Variants in DCC observed in about 807,000 individuals in gnomAD.
The protein encoded by DCC is DCC netrin 1 receptor, also known as netrin receptor DCC.
DCC carries 58 observed loss-of-function variants against 172.5 expected under a neutral mutation model. The observed-to-expected ratio is 0.34, with a 90% confidence interval of 0.27 to 0.42. The LOEUF (loss-of-function observed/expected upper bound fraction) is 0.42. DCC is among the 10% of genes least tolerant of loss of function. DCC has a pLI of 1.00. For missense variants in DCC, 1,740 were observed against 1,791.0 expected (o/e 0.97, Z 0.51); for synonymous variants, 709 against 644.5 (o/e 1.10, Z -1.52).
chr18:52,793,909 TTC>T (rs2037822441), intron 2 of DCC, among the ~76,000 whole-genome samples: 2 of 152,322 alleles, frequency 1.3e-5, no homozygotes, highest in South Asian at 4.1e-4. Context: ...CTCCAAGGTA[TTC>T]TCTTTGTGCC....
intron 7 of DCC, among the ~76,000 whole-genome samples, chr18:53,080,259 G>T (rs1249164760): frequency 1.3e-5 from 2 of 152,044 alleles, no homozygotes; most frequent in African/African-American, 4.8e-5. Context: ...TGACTTAACT[G>T]AATGGATGGT....
chr18:52,421,124 TG>T (rs1987233201), intron 1 of DCC, among the ~76,000 whole-genome samples: 1 of 152,186 alleles, frequency 6.6e-6, no homozygotes, highest in African/African-American at 2.4e-5. Flanking sequence ...GAAAAGTTAT[TG>T]AACTGTACAG....
At chr18:53,167,043 C>T (rs1343774817) in intron 8 of DCC, among the ~76,000 whole-genome samples, 1 of 152,014 alleles carries the variant, frequency 6.6e-6, no homozygotes, top group Non-Finnish European at 1.5e-5. Context: ...AAAGGAGATG[C>T]TAAAAATCTT....
intron 18 of DCC, among the ~76,000 whole-genome samples, chr18:53,398,131 G>A (rs115385957): frequency 1.9e-3 from 288 of 152,092 alleles, no homozygotes; most frequent in African/African-American, 6.0e-3. Flanking sequence ...AGAATCCAGG[G>A]CTTAACATGT....
intron 28 of DCC, among the ~76,000 whole-genome samples, chr18:53,527,936 T>A (rs1188068571): frequency 3.3e-5 from 5 of 152,156 alleles, no homozygotes; most frequent in East Asian, 1.9e-4. Context: ...GGATCTTTTT[T>A]AAGCATAAAT....
At chr18:52,355,197 T>C (rs567222611) in intron 1 of DCC, among the ~76,000 whole-genome samples, 1 of 146,644 alleles carries the variant, frequency 6.8e-6, no homozygotes, top group African/African-American at 2.6e-5. Flanking sequence ...CAAGACAAGA[T>C]GATGGAGATT....
At chr18:52,617,116 T>C (rs1258910515) in intron 1 of DCC, among the ~76,000 whole-genome samples, 2 of 152,074 alleles carry the variant, frequency 1.3e-5, no homozygotes, top group Non-Finnish European at 2.9e-5. Context: ...CAGAGGGATG[T>C]GGTAAGGCTT....
At chr18:52,834,391 T>A (rs2038667187) in intron 2 of DCC, among the ~76,000 whole-genome samples, 1 of 152,180 alleles carries the variant, frequency 6.6e-6, no homozygotes. Flanking sequence ...AGTTTCTACT[T>A]TAAATTTACT....
intron 1 of DCC, among the ~76,000 whole-genome samples, chr18:52,558,772 C>G (rs1487919344): frequency 6.6e-6 from 1 of 152,134 alleles, no homozygotes; most frequent in Non-Finnish European, 1.5e-5. Flanking sequence ...TCTATAATTT[C>G]TAGCCAGCAT....
intron 1 of DCC, among the ~76,000 whole-genome samples, chr18:52,404,144 C>CA (rs1219968555): frequency 1.3e-5 from 2 of 151,512 alleles, no homozygotes; most frequent in African/African-American, 2.4e-5. Flanking sequence ...ACTTATCAGG[C>CA]AAAAAAATAT....
At chr18:53,469,576 T>C (rs1280689409) in intron 25 of DCC, among the ~76,000 whole-genome samples, 3 of 152,182 alleles carry the variant, frequency 2.0e-5, no homozygotes, top group Non-Finnish European at 4.4e-5. Context: ...TTAGTGCTGC[T>C]CTCTGAGTGT....
At chr18:52,857,120 T>C (rs1481944031) in intron 2 of DCC, among the ~76,000 whole-genome samples, 1 of 151,764 alleles carries the variant, frequency 6.6e-6, no homozygotes, top group African/African-American at 2.4e-5. Context: ...GGAAAAAAAA[T>C]GGTAAAAAAA....
At chr18:53,288,881 C>T (rs1322056503) in intron 12 of DCC, among the ~76,000 whole-genome samples, 2 of 152,106 alleles carry the variant, frequency 1.3e-5, no homozygotes, top group South Asian at 2.1e-4. Flanking sequence ...TCAGAATTGA[C>T]CTGACTGGCT....
chr18:53,257,511 T>C (rs193067130), intron 12 of DCC, among the ~76,000 whole-genome samples: 5 of 152,306 alleles, frequency 3.3e-5, no homozygotes, highest in African/African-American at 9.6e-5. Context: ...TGCTGGATTA[T>C]GTTTATTGAT....
At chr18:52,938,475 A>G (rs1344801633) in intron 5 of DCC, among the ~76,000 whole-genome samples, 3 of 152,122 alleles carry the variant, frequency 2.0e-5, no homozygotes, top group African/African-American at 7.2e-5. Context: ...TTATTTAAGA[A>G]AAATAATTTG....
chr18:52,427,513 T>C (rs1178865216), intron 1 of DCC, among the ~76,000 whole-genome samples: 1 of 152,076 alleles, frequency 6.6e-6, no homozygotes, highest in African/African-American at 2.4e-5. Flanking sequence ...GGTCTGAGTC[T>C]GAGCCTCATG....
chr18:53,087,680 G>C (rs2042935473), intron 7 of DCC, among the ~76,000 whole-genome samples: 1 of 151,832 alleles, frequency 6.6e-6, no homozygotes. Flanking sequence ...CCTTGCCCAT[G>C]CCTATGTCCT....
rs1599148118 is a variant in DCC, at chr18:53,435,062, G to T, written c.3164-82G>T. 5.9e-6 allele frequency: 6 copies of T among 1,018,568 alleles called. No homozygotes were observed. In the East Asian group the frequency reaches 1.4e-4, roughly 24 times the overall value. The allele number at this position is 1,018,568 out of a possible 1,614,324, so 63.1% of individuals were successfully genotyped here. On this transcript the variant is annotated intron_variant, in intron 21 of 28. Coordinates refer to ENST00000442544, the MANE Select transcript of DCC (RefSeq NM_005215.4). ...GATCAAAGTAATCTGTTCTGTTATTGTGTGTGTTAAAATATTTATTCTTTT... is the reference window on the plus strand; with the variant it reads ...GATCAAAGTAATCTGTTCTGTTATTTTGTGTGTTAAAATATTTATTCTTTT...
At chr18:53,029,974 A>G (rs1183683025) in intron 5 of DCC, among the ~76,000 whole-genome samples, 1 of 152,198 alleles carries the variant, frequency 6.6e-6, no homozygotes, top group East Asian at 1.9e-4. Context: ...TTATGCAGCC[A>G]TTCACTTCTC....
Sources: gnomAD v4.1 joint callset for allele counts (sites outside exome capture counted in the v4.1 genomes callset) on GRCh38, gnomAD v4.1.1 for gene constraint, MANE v1.5 for transcripts, NCBI Gene and HGNC (gene_info 2026-07-23, HGNC 2026-07-21) for gene names.